Variants in ESRP1 observed in about 807,000 individuals in gnomAD.
ESRP1 encodes RNA-binding motif protein 35A.
Under a neutral mutation model 81.7 loss-of-function variants are expected in ESRP1, and 33 were observed. The observed-to-expected ratio is 0.40, with a 90% confidence interval of 0.31 to 0.54. The LOEUF is 0.54. Ranked by LOEUF, ESRP1 falls within the 20% of genes least tolerant of loss-of-function variation. ESRP1 has a pLI of 0.41. For missense variants in ESRP1, 672 were observed against 833.1 expected, an observed-to-expected ratio of 0.81 and a Z score of 2.38; for synonymous variants, 320 against 303.3, an observed-to-expected ratio of 1.06 and a Z score of -0.57.
intron 15 of ESRP1, among the ~76,000 whole-genome samples, chr8:94,699,981 T>A (rs1586266463): frequency 6.6e-6 from 1 of 152,148 alleles, no homozygotes; most frequent in Non-Finnish European, 1.5e-5. Context: ...TAAGTACTTA[T>A]ATCCACAGTT....
chr8:94,642,402 C>G (rs1381687905), intron 2 of ESRP1, among the ~76,000 whole-genome samples: 1 of 152,254 alleles, frequency 6.6e-6, no homozygotes, highest in Admixed American at 6.5e-5. Flanking sequence ...CTAGCGCCCC[C>G]ATCTCCAGGT....
intron 10 of ESRP1, 178 bp downstream of exon 10, chr8:94,668,428 C>G: frequency 1.8e-6 from 1 of 541,134 alleles, no homozygotes; most frequent in Non-Finnish European, 3.2e-6. Flanking sequence ...CCTGTACACA[C>G]ACACAACACA....
intron 13 of ESRP1, among the ~76,000 whole-genome samples, chr8:94,682,934 T>TTTTC (rs1808977691): frequency 5.0e-5 from 1 of 19,910 alleles, no homozygotes; most frequent in Admixed American, 7.3e-4. Flanking sequence ...ATATATATAT[T>TTTTC]TTTTTTTTTT....
intron 13 of ESRP1, among the ~76,000 whole-genome samples, chr8:94,679,049 A>G (rs894249470): frequency 6.6e-6 from 1 of 152,218 alleles, no homozygotes; most frequent in Admixed American, 6.5e-5. Flanking sequence ...GAGGCTTATA[A>G]TAAGTGTCTT....
At chr8:94,666,603 G>A (rs144195550) in intron 9 of ESRP1, among the ~76,000 whole-genome samples, 112 of 152,280 alleles carry the variant, frequency 7.4e-4, no homozygotes, top group Middle Eastern at 6.8e-3. Context: ...GAGCCTGGGT[G>A]AAAATTTTGC....
At position 94,678,116 on chromosome 8, in the gene ESRP1, A is replaced by G. The variant is rs889330482; in HGVS notation, c.1652-87A>G. ...TGGTCTCTTTCTTTAAAATGTGTAG[A>G]TGGAACAGTGACTATGTTTTTAGTG... On this transcript the variant is annotated intron_variant, in intron 12 of 15. Transcript: ENST00000433389. 1.1e-5 allele frequency: 15 copies of G among 1,390,374 alleles called. No individual in the cohort carries two copies. In the African/African-American group the frequency reaches 1.1e-4, roughly 11 times the overall value. The allele number at this position is 1,390,374 out of a possible 1,614,324, so 86.1% of individuals were successfully genotyped here.
intron 4 of ESRP1, among the ~76,000 whole-genome samples, chr8:94,653,198 T>C (rs1200191357): frequency 2.0e-5 from 3 of 152,246 alleles, no homozygotes; most frequent in African/African-American, 7.2e-5. Context: ...TTAGGGTGTG[T>C]ATATTTCATC....
At chr8:94,645,495 C>T (rs1224659753) in intron 3 of ESRP1, among the ~76,000 whole-genome samples, 1 of 151,832 alleles carries the variant, frequency 6.6e-6, no homozygotes, top group East Asian at 1.9e-4. Context: ...TTCGTAGCCA[C>T]GGTAGTGGTC....
intron 12 of ESRP1, among the ~76,000 whole-genome samples, chr8:94,676,895 G>A (rs1808666225): frequency 6.6e-6 from 1 of 151,618 alleles, no homozygotes; most frequent in Non-Finnish European, 1.5e-5. Context: ...GCTTACGCCT[G>A]TAATCCCAGC....
chr8:94,653,866 G>A (rs1818273102), intron 4 of ESRP1, among the ~76,000 whole-genome samples: 2 of 152,148 alleles, frequency 1.3e-5, no homozygotes, highest in Non-Finnish European at 2.9e-5. Context: ...TTGTTAGCTG[G>A]AGGTGGAAGG....
At chr8:94,662,867 A>G (rs1289662325) in intron 6 of ESRP1, among the ~76,000 whole-genome samples, 1 of 152,154 alleles carries the variant, frequency 6.6e-6, no homozygotes, top group Non-Finnish European at 1.5e-5. Flanking sequence ...CTCGCCTCCC[A>G]AAGTGCTGGG....
chr8:94,665,351 C>T (rs1407315178), intron 9 of ESRP1, among the ~76,000 whole-genome samples, 155 bp downstream of exon 9: 2 of 152,062 alleles, frequency 1.3e-5, no homozygotes, highest in African/African-American at 4.8e-5. Context: ...TAGAAGCTTC[C>T]GATAATAACA....
At chr8:94,666,629 C>T (rs1439411330) in intron 9 of ESRP1, among the ~76,000 whole-genome samples, 2 of 152,092 alleles carry the variant, frequency 1.3e-5, no homozygotes, top group South Asian at 2.1e-4. Context: ...TAGAACTTAC[C>T]GGAACAGCAT....
chr8:94,673,822 G>T (rs1359986940), intron 11 of ESRP1, among the ~76,000 whole-genome samples: 1 of 152,120 alleles, frequency 6.6e-6, no homozygotes, highest in Non-Finnish European at 1.5e-5. Context: ...AGGGAAGATT[G>T]AAAGGGATAT....
At chr8:94,689,213 TGCACTCCA>T (rs1809270141) in intron 13 of ESRP1, among the ~76,000 whole-genome samples, 2 of 136,392 alleles carry the variant, frequency 1.5e-5, no homozygotes, top group Non-Finnish European at 3.0e-5. Flanking sequence ...ATTGAACCAC[TGCACTCCA>T]GCCTGGGTGA....
intron 14 of ESRP1, among the ~76,000 whole-genome samples, chr8:94,695,518 A>T (rs1409203717): frequency 1.3e-5 from 2 of 151,036 alleles, no homozygotes; most frequent in Non-Finnish European, 3.0e-5. Context: ...AAGCCTGGCT[A>T]ATATTTTGTA....
At chr8:94,684,707 TAATC>T (rs1322257021) in intron 13 of ESRP1, among the ~76,000 whole-genome samples, 1 of 152,226 alleles carries the variant, frequency 6.6e-6, no homozygotes, top group Non-Finnish European at 1.5e-5. Context: ...ATCTTCCACT[TAATC>T]AATTTCTCTA....
rs1171703394 is a variant in ESRP1 at position 94,681,325 on chromosome 8, CAAAAAAAAAAA to C, written c.1820+2972_1820+2982del. On this transcript the variant is annotated intron_variant, in intron 13 of 15. Transcript: ENST00000433389. The stretch of plus-strand genomic sequence containing the variant: ...TGGGTGACAGAGCAAGACTCCATCT[CAAAAAAAAAAA>C]AAAAAAAAAAAAAAAAACTGGCTTG... 1.9e-3 allele frequency among the ~76,000 whole-genome samples: 61 copies of C among 31,286 alleles called. 1 individual carries two copies. The highest frequency in any genetic ancestry group is 5.9e-3 in the African/African-American group (47 of 7,926). The allele number at this position is 31,286 out of a possible 152,430, so 20.5% of individuals were successfully genotyped here. A position where few individuals can be genotyped will look rare whatever the true frequency, so the allele number is the denominator to read the frequency against.
At chr8:94,666,459 G>C (rs959671480) in intron 9 of ESRP1, among the ~76,000 whole-genome samples, 8 of 152,180 alleles carry the variant, frequency 5.3e-5, no homozygotes, top group Non-Finnish European at 1.0e-4. Flanking sequence ...GCCACTCATT[G>C]GGATAAATCT....
Sources: allele counts gnomAD v4.1 joint callset (sites outside exome capture counted in the v4.1 genomes callset), GRCh38; gene constraint gnomAD v4.1.1; transcripts MANE v1.5; gene names NCBI Gene and HGNC (gene_info 2026-07-23, HGNC 2026-07-21).